The following PDIA4 variants were observed in gnomAD, a reference collection of about 807,000 sequenced individuals.
PDIA4 encodes protein disulfide isomerase family A member 4.
In PDIA4, 33 loss-of-function variants were observed where a neutral mutation model predicts 62.1. The observed-to-expected ratio is 0.53, with a 90% CI of 0.40 to 0.71. PDIA4 has a LOEUF of 0.71. PDIA4 is among the 30% of genes least tolerant of loss of function. The pLI, the probability that PDIA4 is intolerant of heterozygous loss-of-function variation, is 0.00. For synonymous variants in PDIA4, 341 were observed against 324.1 expected, an observed-to-expected ratio of 1.05 and a Z score of -0.56; for missense variants, 804 against 813.6, an observed-to-expected ratio of 0.99 and a Z score of 0.14.
chr7:149,016,543 CAG>C (rs1361865127), intron 3 of PDIA4, among the ~76,000 whole-genome samples: 4 of 150,690 alleles, frequency 2.7e-5, no homozygotes, highest in Non-Finnish European at 4.4e-5. Context: ...TTTTTTGAGA[CAG>C]AGTCTCGCTG....
In PDIA4 at chr7:149,005,290, T is replaced by C. The variant is rs779228366; in HGVS notation, c.1373A>G (p.Tyr458Cys). ...YTFAIADEED[Y>C]AGEVKDLGLS... is the part of the protein sequence containing the mutation. ...CCCCAGGTCCTTCACCTCCCCAGCA[T>C]AGTCCTCTTCGTCCGCAATGGCAAA... Residue 458 changes from tyrosine (Y) to cysteine (C), a missense_variant, in exon 9 of 10, where the codon TAT (tyrosine) becomes TGT (cysteine). Transcript: ENST00000652332. The C allele has an allele frequency of 4.3e-6, 7 of 1,614,010 alleles. No homozygotes were observed. The highest frequency in any genetic ancestry group is 2.2e-5 in the East Asian group (1 of 44,880).
chr7:149,018,591 C>T (rs569598749), intron 3 of PDIA4, among the ~76,000 whole-genome samples: 167 of 152,168 alleles, frequency 1.1e-3, no homozygotes, highest in Non-Finnish European at 2.0e-3. Context: ...GCCACTACAC[C>T]CAGCTAATTG....
Position 149,021,403 on chromosome 7 carries a change from C to T in PDIA4, c.89-256G>A, listed in dbSNP as rs190183724. Among the ~76,000 whole-genome samples, 229 of 146,568 alleles carry T rather than the reference C, an allele frequency of 1.6e-3. 2 individuals are homozygous for T. Among genetic ancestry groups the T allele is most frequent in the African/African-American group, 5.4e-3 (215 of 39,992 alleles). ...ACTCGGGAGGCTGAGGCAGAAGAAT[C>T]GCTTGAACCTGGGAGGCGGAGGTTA... On this transcript the variant is annotated intron_variant, in intron 1 of 9. Transcript: ENST00000652332.
At chr7:149,023,459 G>C (rs552537690) in intron 1 of PDIA4, among the ~76,000 whole-genome samples, 1 of 152,248 alleles carries the variant, frequency 6.6e-6, no homozygotes. Context: ...AAGTAATCGA[G>C]ATTTTTGACA....
chr7:149,015,091 C>T, intron 3 of PDIA4, 49 bp from the exon 4 acceptor site: 1 of 1,598,546 alleles, frequency 6.3e-7, no homozygotes. Flanking sequence ...AACTGGCAGG[C>T]ACTTCACCTC....
intron 4 of PDIA4, among the ~76,000 whole-genome samples, chr7:149,013,120 C>T (rs1563121329): frequency 6.6e-6 from 1 of 152,062 alleles, no homozygotes; most frequent in African/African-American, 2.4e-5. Flanking sequence ...TGGTGGTGGG[C>T]GCCTGTAATC....
intron 4 of PDIA4, 138 bp downstream of exon 4, chr7:149,014,766 C>G (rs1824071748): frequency 1.4e-6 from 1 of 734,122 alleles, no homozygotes; most frequent in South Asian, 1.8e-5. Context: ...TTCCAGAAGA[C>G]CTGGAGCCTC....
chr7:149,003,675 A>G lies in PDIA4; in HGVS notation c.*119T>C, dbSNP rs977964863. On this transcript the variant is annotated 3_prime_UTR_variant, in exon 10 of 10. Transcript: ENST00000652332. ...GTGAAACACCAAAGTATAAAAAATT[A>G]AAAAAAAAAAAAAAGGAATCCGAGA... 1.2e-5 allele frequency: 2 copies of G among 166,480 alleles called. No homozygotes were observed. The highest frequency in any genetic ancestry group is 3.4e-4 in the South Asian group (2 of 5,962). 10.3% of individuals were successfully genotyped at this position (166,480 alleles called of 1,614,324 possible).
At chr7:149,009,388 C>G (rs1470705300) in intron 6 of PDIA4, among the ~76,000 whole-genome samples, 2 of 152,178 alleles carry the variant, frequency 1.3e-5, no homozygotes, top group African/African-American at 4.8e-5. Context: ...ATAAGCAGCA[C>G]TGATTCTTTG....
At position 149,003,726 on chromosome 7, in the gene PDIA4, C is replaced by G. The variant is rs115293595; in HGVS notation, c.*68G>C. 0.014 allele frequency: 17,811 copies of G among 1,238,846 alleles called. 329 individuals carry two copies. The highest frequency in any genetic ancestry group is 0.068 in the African/African-American group (4,364 of 64,256). 76.7% of individuals were successfully genotyped at this position (1,238,846 alleles called of 1,614,324 possible). ...TACTGTCGTTTGTTGCCGGCCTCGG[C>G]GTGGACGCCCCGACCATGGGCCACG... On this transcript the variant is annotated 3_prime_UTR_variant, in exon 10 of 10. Coordinates refer to ENST00000652332, the MANE Select transcript of PDIA4 (RefSeq NM_004911.5).
At chr7:149,016,239 G>A (rs914041455) in intron 3 of PDIA4, among the ~76,000 whole-genome samples, 13 of 152,146 alleles carry the variant, frequency 8.5e-5, no homozygotes, top group African/African-American at 2.4e-4. Context: ...GAGGCTGTTC[G>A]GTGAGCCAAG....
chr7:149,019,191 T>A lies in PDIA4; in HGVS notation c.276A>T (p.Gly92=). The A allele has an allele frequency of 6.2e-7, 1 of 1,610,938 alleles. No individual in the cohort carries two copies. The highest frequency in any genetic ancestry group is 8.5e-7 in the Non-Finnish European group (1 of 1,177,088). The change falls in exon 3 of 10, where the codon GGA becomes GGT. Residue 92 remains glycine (G), a synonymous_variant. Transcript: ENST00000652332. ...VLLEFYAPWC[G]HCKQFAPEYE... ...ATTCCGGAGCAAACTGCTTGCAATG[T>A]CCACACCTAACAATTAGATTAGGAA...
intron 9 of PDIA4, among the ~76,000 whole-genome samples, chr7:149,004,413 G>A (rs567460619): frequency 6.6e-6 from 1 of 152,346 alleles, no homozygotes; most frequent in Admixed American, 6.5e-5. Flanking sequence ...GGTGGCTCCA[G>A]CCCAGACCTA....
rs888121894 is a variant in PDIA4 at position 149,004,145 on chromosome 7, G to A, written c.1587C>T (p.Val529=). 6 of 1,614,108 alleles carry A rather than the reference G, an allele frequency of 3.7e-6. No individual in the cohort carries two copies. The highest frequency in any genetic ancestry group is 1.3e-5 in the African/African-American group (1 of 75,048). Residue 529 remains valine, a synonymous_variant, in exon 10 of 10, where the codon GTC becomes GTT. Transcript: ENST00000652332. ...VPKNNKGPVK[V]VVGKTFDSIV... is the part of the protein sequence containing the mutation. ...TGGAGTCAAAGGTCTTTCCCACCAC[G>A]ACCTTGACGGGTCCCTTGTTGTTCT...
chr7:149,010,989 C>T (rs1389350285), intron 6 of PDIA4, among the ~76,000 whole-genome samples: 1 of 152,194 alleles, frequency 6.6e-6, no homozygotes, highest in Non-Finnish European at 1.5e-5. Flanking sequence ...ACTAGTTAGG[C>T]GTGAATAACA....
intron 7 of PDIA4, among the ~76,000 whole-genome samples, chr7:149,006,920 A>G (rs1000486035): frequency 6.6e-6 from 1 of 152,238 alleles, no homozygotes; most frequent in Non-Finnish European, 1.5e-5. Context: ...ACAAGACTGC[A>G]TAGATCTTGA....
chr7:149,005,974 T>C lies in PDIA4; in HGVS notation c.1211A>G (p.Asn404Ser). The C allele has an allele frequency of 1.9e-6, 3 of 1,542,484 alleles. No individual in the cohort carries two copies. Residue 404 changes from asparagine to serine, a missense_variant, in exon 8 of 10, where the codon AAC becomes AGC. Asn to Ser is a conservative substitution (Grantham distance 46, BLOSUM62 1). Transcript: ENST00000652332. ...GCGCCTGGTGTAGCGCTTAGCATCG[T>C]TTGACACCTTGCGGTGGCCAACCAG... ...LPLVGHRKVSNDAKRYTRRPL... is the reference protein window; with the variant it reads ...LPLVGHRKVSSDAKRYTRRPL...
rs1823643250 is a variant in PDIA4 at position 149,003,960 on chromosome 7, G to A, written c.1772C>T (p.Pro591Leu). ...AKMDATANDV[P>L]SDRYKVEGFP... ...GCCCTCCACCTTATAGCGGTCGCTG[G>A]GGACGTCGTTGGCAGTGGCGTCCAT... The change falls in exon 10 of 10, where the codon CCC (proline) becomes CTC (leucine). Residue 591 changes from proline to leucine, a missense_variant. Physicochemically the swap from Pro to Leu is moderately conservative, Grantham distance 98. Coordinates refer to ENST00000652332, the MANE Select transcript of PDIA4 (RefSeq NM_004911.5). The A allele has an allele frequency of 8.7e-6, 14 of 1,613,244 alleles. No individual in the cohort carries two copies. Among genetic ancestry groups the A allele is most frequent in the South Asian group, 5.5e-5 (5 of 91,016 alleles).
Position 149,004,045 on chromosome 7 carries a change from G to C in PDIA4, c.1687C>G (p.Pro563Ala). Reference sequence around the variant, plus strand: ...TTCTTGGCCAGGCTGTTGTACACGGGCTCTAGCTGCTTGCAGTGCCCGCAC... The same window carrying C: ...TTCTTGGCCAGGCTGTTGTACACGGCCTCTAGCTGCTTGCAGTGCCCGCAC... ...PWCGHCKQLE[P>A]VYNSLAKKYK... Residue 563 changes from proline (P) to alanine (A), a missense_variant, in exon 10 of 10, where the codon CCC becomes GCC. Pro to Ala is a conservative substitution (Grantham distance 27). Coordinates refer to ENST00000652332, the MANE Select transcript of PDIA4 (RefSeq NM_004911.5). The C allele has an allele frequency of 1.9e-6, 3 of 1,614,222 alleles. No individual in the cohort carries two copies. The highest frequency in any genetic ancestry group is 2.5e-6 in the Non-Finnish European group (3 of 1,180,034).
Sources: gnomAD v4.1 joint callset for allele counts (sites outside exome capture counted in the v4.1 genomes callset) on GRCh38, gnomAD v4.1.1 for gene constraint, MANE v1.5 for transcripts, NCBI Gene and HGNC (gene_info 2026-07-23, HGNC 2026-07-21) for gene names.